Variants in UBR1 observed in about 807,000 individuals in gnomAD.
UBR1 encodes the protein E3 ubiquitin-protein ligase UBR1.
In UBR1, 102 loss-of-function variants were observed where a neutral mutation model predicts 242.1. That is an observed-to-expected ratio of 0.42 (90% CI 0.36 to 0.50). UBR1 has a LOEUF of 0.50. Among genes scored for constraint, UBR1 ranks in the 20% least tolerant of loss-of-function variants. UBR1 has a pLI of 0.01. For synonymous variants in UBR1, 675 were observed against 684.8 expected (o/e 0.99, Z 0.22); for missense variants, 1,772 against 2,101.8 (o/e 0.84, Z 3.07).
chr15:43,011,764 CCTT>C (rs2032926186), intron 29 of UBR1, among the ~76,000 whole-genome samples: 2 of 152,136 alleles, frequency 1.3e-5, no homozygotes, highest in Non-Finnish European at 2.9e-5. Flanking sequence ...TTACTGGACT[CCTT>C]GACTAAGTAC....
chr15:42,984,821 T>C, intron 36 of UBR1, 66 bp downstream of exon 36: 2 of 1,402,568 alleles, frequency 1.4e-6, no homozygotes, highest in Non-Finnish European at 2.0e-6. Context: ...TTGTTTTTAA[T>C]AATAAACTGT....
At chr15:43,087,133 C>T (rs772564646) in intron 1 of UBR1, among the ~76,000 whole-genome samples, 39 of 152,166 alleles carry the variant, frequency 2.6e-4, no homozygotes, top group Admixed American at 7.9e-4. Context: ...GGGCCGGGCG[C>T]GGTGGCTCAC....
At chr15:43,102,094 C>G (rs1455059159) in intron 1 of UBR1, among the ~76,000 whole-genome samples, 2 of 151,298 alleles carry the variant, frequency 1.3e-5, no homozygotes, top group Non-Finnish European at 2.9e-5. Context: ...GAGCCGAGAT[C>G]ATACCGCTGG....
intron 29 of UBR1, among the ~76,000 whole-genome samples, chr15:43,013,935 G>A (rs578156363): frequency 1.1e-3 from 167 of 151,410 alleles, no homozygotes; most frequent in African/African-American, 3.6e-3. Context: ...ATGCCGAGCT[G>A]AAGCTGGACT....
Position 42,970,583 on chromosome 15 carries a change from T to C in UBR1, c.4394A>G (p.Glu1465Gly). The change falls in exon 40 of 47, where the codon GAA becomes GGA. Residue 1465 changes from glutamate to glycine, a missense_variant. This residue lies in a region of UBR1 where 965 missense variants were observed against 1,079.7 expected (regional missense o/e 0.89). Transcript: ENST00000290650. ...TGCGGAATGAGCCTCTTCACTGTCT[T>C]CTTGAACCTGAGCAAGGGGTAGGCC... is the stretch of plus-strand genomic sequence containing the variant. Reference protein sequence around the residue: ...DTGLPLAQVQEDSEEAHSASS... With the variant: ...DTGLPLAQVQGDSEEAHSASS... 1 of 1,613,876 alleles carries C rather than the reference T, an allele frequency of 6.2e-7. No homozygotes were observed. The highest frequency in any genetic ancestry group is 8.5e-7 in the Non-Finnish European group (1 of 1,180,026).
At chr15:43,048,518 T>C (rs1567136515) in intron 12 of UBR1, 27 bp from the exon 13 acceptor site, 8 of 1,546,368 alleles carry the variant, frequency 5.2e-6, no homozygotes, top group Non-Finnish European at 6.2e-6. Context: ...GAAAGAAATA[T>C]TTCATTTATC....
chr15:43,007,513 A>C (rs948307845), intron 29 of UBR1, among the ~76,000 whole-genome samples: 1 of 151,942 alleles, frequency 6.6e-6, no homozygotes, highest in Admixed American at 6.5e-5. Context: ...AGATGATAAA[A>C]TGGAATGTAT....
chr15:42,957,227 C>T (rs1024241922), intron 44 of UBR1, among the ~76,000 whole-genome samples: 2 of 152,042 alleles, frequency 1.3e-5, no homozygotes, highest in African/African-American at 4.8e-5. Flanking sequence ...TGCTACGACT[C>T]GGATAAATAT....
intron 15 of UBR1, among the ~76,000 whole-genome samples, chr15:43,039,235 C>G (rs928669998): frequency 6.6e-6 from 1 of 151,998 alleles, no homozygotes; most frequent in African/African-American, 2.4e-5. Flanking sequence ...GGTGCTAAAA[C>G]TAAAAAATAA....
chr15:42,969,068 T>C (rs1353833906), intron 40 of UBR1, among the ~76,000 whole-genome samples: 1 of 152,194 alleles, frequency 6.6e-6, no homozygotes, highest in Non-Finnish European at 1.5e-5. Flanking sequence ...GTATTTCTAG[T>C]TCTAGATCCT....
At chr15:43,041,948 G>T (rs1463571179) in intron 15 of UBR1, among the ~76,000 whole-genome samples, 1 of 152,084 alleles carries the variant, frequency 6.6e-6, no homozygotes, top group African/African-American at 2.4e-5. Flanking sequence ...CTAATCACTA[G>T]GGACACGCAA....
At chr15:43,060,152 G>A (rs1450567591) in intron 6 of UBR1, 38 bp from the exon 7 acceptor site, 1 of 1,587,412 alleles carries the variant, frequency 6.3e-7, no homozygotes, top group East Asian at 2.2e-5. Flanking sequence ...GTAGTGAAAT[G>A]ATAACCACAA....
At position 43,065,587 on chromosome 15, in the gene UBR1, TATA is replaced by T. The variant is rs202018959; in HGVS notation, c.798+2308_798+2310del. Among the ~76,000 whole-genome samples, 76 of 152,316 alleles carry T rather than the reference TATA, an allele frequency of 5.0e-4. No individual in the cohort carries two copies. In the East Asian group the frequency reaches 0.014, roughly 27 times the overall value. ...TGTGTTCTCATCATTCAGCTCCACT[TATA>T]AATGACAGCATGCAGTGTTTGGTTT... On this transcript the variant is annotated intron_variant, in intron 6 of 46. Coordinates refer to ENST00000290650, the MANE Select transcript of UBR1 (RefSeq NM_174916.3).
intron 12 of UBR1, 84 bp downstream of exon 12, chr15:43,054,658 T>C (rs1337768840): frequency 1.3e-6 from 2 of 1,487,214 alleles, no homozygotes; most frequent in Non-Finnish European, 1.9e-6. Context: ...ATAACCAAAA[T>C]GATCACAGGA....
intron 44 of UBR1, 45 bp from the exon 45 acceptor site, chr15:42,952,493 C>T: frequency 1.2e-6 from 2 of 1,606,112 alleles, no homozygotes; most frequent in Non-Finnish European, 1.7e-6. Flanking sequence ...AAAAACAAAA[C>T]AAAACAAATA....
intron 33 of UBR1, among the ~76,000 whole-genome samples, chr15:42,994,332 G>C (rs1221807991): frequency 7.7e-6 from 1 of 129,404 alleles, no homozygotes; most frequent in South Asian, 2.7e-4. Context: ...AGAATCACTT[G>C]AGGTCAGGAG....
intron 42 of UBR1, among the ~76,000 whole-genome samples, chr15:42,962,102 C>T (rs1461489336): frequency 7.2e-6 from 1 of 138,480 alleles, no homozygotes; most frequent in Non-Finnish European, 1.5e-5. Flanking sequence ...CCCTTTCTTT[C>T]CTCTCTTTCT....
At chr15:42,970,893 T>C (rs1376109592) in intron 39 of UBR1, among the ~76,000 whole-genome samples, 1 of 152,178 alleles carries the variant, frequency 6.6e-6, no homozygotes, top group African/African-American at 2.4e-5. Flanking sequence ...CAGCTAATTT[T>C]GTATTTTTAG....
In UBR1 at chr15:42,995,202, T is replaced by A. The variant is rs568361290; in HGVS notation, c.3757+2966A>T. Among the ~76,000 whole-genome samples the A allele has an allele frequency of 9.2e-5, 14 of 152,330 alleles. No homozygotes were observed. In the South Asian group the frequency reaches 2.9e-3, roughly 32 times the overall value. On this transcript the variant is annotated intron_variant, in intron 33 of 46. Transcript: ENST00000290650. ...CAAAATAACAATAAAAAAACTGATTTAAGGCTGAATTTTTGAGACCTAAAA... is the reference window on the plus strand; with the variant it reads ...CAAAATAACAATAAAAAAACTGATTAAAGGCTGAATTTTTGAGACCTAAAA...
Sources: gnomAD v4.1 joint callset for allele counts (sites outside exome capture counted in the v4.1 genomes callset) on GRCh38, gnomAD v4.1.1 for gene constraint, gnomAD v4.1.1 regional missense constraint, MANE v1.5 for transcripts, NCBI Gene and HGNC (gene_info 2026-07-23, HGNC 2026-07-21) for gene names.